Variants in TMCO4 observed in about 807,000 individuals in gnomAD.
TMCO4 encodes transmembrane and coiled-coil domain-containing protein 4.
A neutral mutation model predicts 64.7 loss-of-function variants in TMCO4; 58 were observed. The ratio of observed to expected loss-of-function variants is 0.90; its 90% CI spans 0.73 to 1.12. The LOEUF is 1.12. Among genes scored for constraint, TMCO4 ranks in the 50% most tolerant of loss-of-function variants. The pLI, the probability that TMCO4 is intolerant of heterozygous loss-of-function variation, is 0.00. For missense variants in TMCO4, 780 were observed against 825.9 expected (o/e 0.94, Z 0.68); for synonymous variants, 325 against 346.1 (o/e 0.94, Z 0.68).
At chr1:19,747,014 G>A (rs1000309860) in intron 8 of TMCO4, 149 bp downstream of exon 8, 1 of 700,732 alleles carries the variant, frequency 1.4e-6, no homozygotes, top group Non-Finnish European at 2.5e-6. Context: ...CAGTGCTGAT[G>A]AGCACACCGA....
chr1:19,787,960 T>C (rs1039451209), intron 2 of TMCO4, among the ~76,000 whole-genome samples: 2 of 152,184 alleles, frequency 1.3e-5, no homozygotes, highest in African/African-American at 2.4e-5. Context: ...TTTTGCCATG[T>C]TGCCCAGGCT....
In TMCO4 at chr1:19,726,870, C is replaced by T. The variant is rs74436986; in HGVS notation, c.1264+10502G>A. On this transcript the variant is annotated intron_variant, in intron 13 of 15. Transcript: ENST00000294543. ...GTTTGTGTCTGAAGAGAAGATTCCT[C>T]GGCTACATGATGGATTTAAAATACT... Among the ~76,000 whole-genome samples, 1,117 of 152,320 alleles carry T rather than the reference C, an allele frequency of 7.3e-3. 11 individuals are homozygous for T. Among genetic ancestry groups the T allele is most frequent in the Admixed American group, 0.012 (180 of 15,298 alleles).
chr1:19,761,150 C>T (rs113243416), intron 6 of TMCO4, among the ~76,000 whole-genome samples: 2,351 of 152,244 alleles, frequency 0.015, 66 homozygotes, highest in African/African-American at 0.054. Context: ...AGGCCAGTGG[C>T]CAGGTTCACC....
chr1:19,725,000 T>C (rs1247787057), intron 13 of TMCO4, among the ~76,000 whole-genome samples: 1 of 152,166 alleles, frequency 6.6e-6, no homozygotes, highest in East Asian at 1.9e-4. Context: ...GACCTCGTGA[T>C]GCACCCGCCT....
intron 13 of TMCO4, among the ~76,000 whole-genome samples, chr1:19,709,467 GAA>G (rs1461331468): frequency 6.6e-6 from 1 of 152,028 alleles, no homozygotes; most frequent in Non-Finnish European, 1.5e-5. Flanking sequence ...TCATGGAGAT[GAA>G]AGAGCCAGCT....
chr1:19,709,088 G>A (rs892445944), intron 13 of TMCO4, among the ~76,000 whole-genome samples: 2 of 152,080 alleles, frequency 1.3e-5, no homozygotes, highest in African/African-American at 2.4e-5. Flanking sequence ...GAGAAAGGGC[G>A]GCTTTGACTG....
At chr1:19,771,590 C>T (rs1445167297) in intron 4 of TMCO4, 108 bp from the exon 5 acceptor site, 1 of 1,091,372 alleles carries the variant, frequency 9.2e-7, no homozygotes, top group Non-Finnish European at 1.3e-6. Context: ...ACGTGCCTGA[C>T]TTACTGACTG....
intron 13 of TMCO4, among the ~76,000 whole-genome samples, chr1:19,701,776 T>C (rs1309937320): frequency 6.6e-6 from 1 of 151,682 alleles, no homozygotes; most frequent in Non-Finnish European, 1.5e-5. Context: ...GGTCAGGGAG[T>C]GCACTCGTCC....
At chr1:19,727,963 C>T (rs1249374060) in intron 13 of TMCO4, among the ~76,000 whole-genome samples, 1 of 152,098 alleles carries the variant, frequency 6.6e-6, no homozygotes, top group Non-Finnish European at 1.5e-5. Flanking sequence ...TACAGAAAAC[C>T]AAATACCATA....
rs2095435742 is a variant in TMCO4, at chr1:19,732,802, C to T, written c.1264+4570G>A. ...GAAGGTGACTACAGGGGGAAAATGC[C>T]AGCTGCACTTTTGTCCACCGGGTTC... On this transcript the variant is annotated intron_variant, in intron 13 of 15. Transcript: ENST00000294543. This position sits in a 1 kb window ranked among gnomAD's most constrained non-coding sequence, Gnocchi z 4.8. Among the ~76,000 whole-genome samples, 1 of 152,158 alleles carries T rather than the reference C, an allele frequency of 6.6e-6. No individual in the cohort carries two copies. The highest frequency in any genetic ancestry group is 2.4e-5 in the African/African-American group (1 of 41,426).
intron 6 of TMCO4, among the ~76,000 whole-genome samples, chr1:19,764,677 A>C (rs1051688785): frequency 1.7e-4 from 26 of 151,920 alleles, no homozygotes; most frequent in Non-Finnish European, 2.8e-4. Context: ...ACATGGAGAA[A>C]CCCTGTCTCT....
intron 14 of TMCO4, among the ~76,000 whole-genome samples, chr1:19,698,720 C>T (rs927601416): frequency 1.3e-5 from 2 of 152,216 alleles, no homozygotes; most frequent in African/African-American, 4.8e-5. Flanking sequence ...TCCCTTTCTT[C>T]TTCCTTCTCT....
intron 8 of TMCO4, among the ~76,000 whole-genome samples, chr1:19,746,892 C>T (rs999788294): frequency 6.8e-6 from 1 of 147,542 alleles, no homozygotes; most frequent in Admixed American, 6.8e-5. Context: ...CCACTGCACT[C>T]CAGCCTGGGC....
intron 2 of TMCO4, among the ~76,000 whole-genome samples, chr1:19,796,862 C>T (rs1473720452): frequency 7.2e-5 from 11 of 152,190 alleles, no homozygotes; most frequent in Non-Finnish European, 2.9e-5. Context: ...TGTGAGCCAC[C>T]ACGCCTGGCC....
At chr1:19,725,972 C>T (rs954408178) in intron 13 of TMCO4, among the ~76,000 whole-genome samples, 2 of 152,190 alleles carry the variant, frequency 1.3e-5, no homozygotes, top group Non-Finnish European at 2.9e-5. Context: ...CCAAAGGCCT[C>T]GAGCATGGTC....
At chr1:19,745,695 C>G in intron 9 of TMCO4, 44 bp from the exon 10 acceptor site, 1 of 1,565,992 alleles carries the variant, frequency 6.4e-7, no homozygotes, top group Non-Finnish European at 8.7e-7. Flanking sequence ...TGACTGGGGC[C>G]CCGGGGAACA....
At chr1:19,695,455 C>T (rs1288561659) in intron 14 of TMCO4, among the ~76,000 whole-genome samples, 18 of 152,224 alleles carry the variant, frequency 1.2e-4, no homozygotes, top group Admixed American at 1.2e-3. Flanking sequence ...CCCTCTGCAC[C>T]CCAGGCTCAG....
chr1:19,685,586 T>C (rs372691628), intron 15 of TMCO4, among the ~76,000 whole-genome samples: 1 of 152,282 alleles, frequency 6.6e-6, no homozygotes, highest in South Asian at 2.1e-4. Flanking sequence ...TTCTTGGATA[T>C]ACTCCTTTGC....
At chr1:19,741,850 C>T (rs1557547505) in intron 10 of TMCO4, among the ~76,000 whole-genome samples, 1 of 151,550 alleles carries the variant, frequency 6.6e-6, no homozygotes, top group East Asian at 1.9e-4. Flanking sequence ...GATTCTCCTG[C>T]CTCAGCCTCC....
Sources: allele counts gnomAD v4.1 joint callset (sites outside exome capture counted in the v4.1 genomes callset), GRCh38; gene constraint gnomAD v4.1.1; non-coding constraint Gnocchi (gnomAD v3.1); transcripts MANE v1.5; gene names NCBI Gene and HGNC (gene_info 2026-07-23, HGNC 2026-07-21).